Variants in SPATA31D1 observed in about 807,000 individuals in gnomAD.
SPATA31D1 encodes the protein SPATA31 subfamily D member 1.
Under a neutral mutation model 13.2 loss-of-function variants are expected in SPATA31D1, and 6 were observed. The ratio of observed to expected loss-of-function variants is 0.46; its 90% CI spans 0.25 to 0.90. The LOEUF is 0.90. SPATA31D1 is among the 40% of genes least tolerant of loss of function. The pLI, the probability that SPATA31D1 is intolerant of heterozygous loss-of-function variation, is 0.18. For missense variants in SPATA31D1, 2,445 were observed against 1,884.7 expected (o/e 1.30, Z -5.50); for synonymous variants, 903 against 718.8 (o/e 1.26, Z -4.10).
In SPATA31D1 at chr9:81,992,479, T is replaced by A; in HGVS notation, c.2009T>A (p.Ile670Asn). The A allele has an allele frequency of 6.2e-7, 1 of 1,612,078 alleles. No individual in the cohort carries two copies. The highest frequency in any genetic ancestry group is 1.7e-5 in the Admixed American group (1 of 60,024). Residue 670 changes from isoleucine (I) to asparagine (N), a missense_variant, in exon 4 of 4, where the codon ATC becomes AAC. By Grantham distance (149) the Ile-to-Asn change is moderately radical. Coordinates refer to ENST00000344803, the MANE Select transcript of SPATA31D1 (RefSeq NM_001001670.3). The part of the protein sequence containing the change: ...VRKSFKVHVP[I>N]SIIPGDFPLS... Reference sequence around the variant, plus strand: ...AAGTCCTTCAAGGTCCATGTTCCGATCTCCATCATTCCTGGAGATTTTCCA... The same window carrying A: ...AAGTCCTTCAAGGTCCATGTTCCGAACTCCATCATTCCTGGAGATTTTCCA...
Position 81,994,132 on chromosome 9 carries a change from A to T in SPATA31D1, c.3662A>T (p.His1221Leu), listed in dbSNP as rs1469744387. Residue 1221 changes from histidine (H) to leucine (L), a missense_variant, in exon 4 of 4, where the codon CAT becomes CTT. By Grantham distance (99) the His-to-Leu change is moderately conservative. Transcript: ENST00000344803. Reference sequence around the variant, plus strand: ...AGGAAGCATAGCCAACCTCAGAGCCATTTCACTGACATGTCTTTTGCCTTA... The same window carrying T: ...AGGAAGCATAGCCAACCTCAGAGCCTTTTCACTGACATGTCTTTTGCCTTA... The part of the protein sequence containing the change: ...VQRKHSQPQS[H>L]FTDMSFALDN... The T allele has an allele frequency of 6.2e-7, 1 of 1,614,000 alleles. No homozygotes were observed. Among genetic ancestry groups the T allele is most frequent in the Non-Finnish European group, 8.5e-7 (1 of 1,179,878 alleles).
chr9:81,994,766 T>A lies in SPATA31D1; in HGVS notation c.4296T>A (p.Leu1432=). ...ATATCACCTGTCCCCAAGAGCCCCT[T>A]TCCTTCCCAGTGGGGCTTGGGAAAG... ...GIDITCPQEP[L]SFPVGLGKAQ... Residue 1432 remains leucine, a synonymous_variant, in exon 4 of 4, where the codon CTT becomes CTA. Transcript: ENST00000344803. 6.2e-7 allele frequency: 1 copy of A among 1,613,952 alleles called. No individual in the cohort carries two copies. Among genetic ancestry groups the A allele is most frequent in the Non-Finnish European group, 8.5e-7 (1 of 1,179,878 alleles).
rs1373724674 is a variant in SPATA31D1, at chr9:81,992,501, T to C, written c.2031T>C (p.Phe677=). 3.1e-6 allele frequency: 5 copies of C among 1,611,986 alleles called. No individual in the cohort carries two copies. In the Admixed American group the frequency reaches 6.7e-5, roughly 21 times the overall value. Residue 677 remains phenylalanine (F), a synonymous_variant, in exon 4 of 4, where the codon TTT becomes TTC. Transcript: ENST00000344803. The part of the protein sequence containing the change: ...HVPISIIPGD[F]PLSSEVRKKL... ...CGATCTCCATCATTCCTGGAGATTT[T>C]CCACTCAGCTCTGAGGTAAGGAAGA...
At position 81,994,761 on chromosome 9, in the gene SPATA31D1, C is replaced by G. The variant is rs771913778; in HGVS notation, c.4291C>G (p.Pro1431Ala). 6.2e-7 allele frequency: 1 copy of G among 1,613,952 alleles called. No individual in the cohort carries two copies. Among genetic ancestry groups the G allele is most frequent in the Non-Finnish European group, 8.5e-7 (1 of 1,179,884 alleles). ...HGIDITCPQEPLSFPVGLGKA... is the reference protein window; with the variant it reads ...HGIDITCPQEALSFPVGLGKA... ...GATAGATATCACCTGTCCCCAAGAG[C>G]CCCTTTCCTTCCCAGTGGGGCTTGG... Residue 1431 changes from proline to alanine, a missense_variant, in exon 4 of 4, where the codon CCC becomes GCC. Physicochemically the swap from Pro to Ala is conservative, Grantham distance 27. Coordinates refer to ENST00000344803, the MANE Select transcript of SPATA31D1 (RefSeq NM_001001670.3).
chr9:81,994,130 C>A lies in SPATA31D1; in HGVS notation c.3660C>A (p.Ser1220Arg). ...AGAGGAAGCATAGCCAACCTCAGAGCCATTTCACTGACATGTCTTTTGCCT... is the reference window on the plus strand; with the variant it reads ...AGAGGAAGCATAGCCAACCTCAGAGACATTTCACTGACATGTCTTTTGCCT... ...LVQRKHSQPQ[S>R]HFTDMSFALD... is the part of the protein sequence containing the mutation. The change falls in exon 4 of 4, where the codon AGC becomes AGA. Residue 1220 changes from serine (S) to arginine (R), a missense_variant. By Grantham distance (110) the Ser-to-Arg change is moderately radical (BLOSUM62 -1). Transcript: ENST00000344803. The A allele has an allele frequency of 6.2e-7, 1 of 1,613,952 alleles. No homozygotes were observed. The highest frequency in any genetic ancestry group is 8.5e-7 in the Non-Finnish European group (1 of 1,179,878).
Position 81,994,426 on chromosome 9 carries a change from A to G in SPATA31D1, c.3956A>G (p.Lys1319Arg), listed in dbSNP as rs760503010. The change falls in exon 4 of 4, where the codon AAG (lysine) becomes AGG (arginine). Residue 1319 changes from lysine (K) to arginine (R), a missense_variant. By Grantham distance (26) the Lys-to-Arg change is conservative (BLOSUM62 2). Transcript: ENST00000344803. Reference sequence around the variant, plus strand: ...CTGGGGACATCCCAACGCAGGAGAAAGAGCCTCCCTGTTCATAACAAGACA... The same window carrying G: ...CTGGGGACATCCCAACGCAGGAGAAGGAGCCTCCCTGTTCATAACAAGACA... ...AGLGTSQRRRKSLPVHNKTSG... is the reference protein window; with the variant it reads ...AGLGTSQRRRRSLPVHNKTSG... 3 of 1,613,786 alleles carry G rather than the reference A, an allele frequency of 1.9e-6. No individual in the cohort carries two copies. Among genetic ancestry groups the G allele is most frequent in the Middle Eastern group, 1.7e-4 (1 of 6,060 alleles).
Position 81,995,246 on chromosome 9 carries a change from A to G in SPATA31D1, c.*45A>G. On this transcript the variant is annotated 3_prime_UTR_variant, in exon 4 of 4. Coordinates refer to ENST00000344803, the MANE Select transcript of SPATA31D1 (RefSeq NM_001001670.3). Reference sequence around the variant, plus strand: ...CTTGATTCTCCCCAATAAATGTTCCAATAAGAAGGATGTCTTTTCTGTGTA... The same window carrying G: ...CTTGATTCTCCCCAATAAATGTTCCGATAAGAAGGATGTCTTTTCTGTGTA... 1 of 1,449,204 alleles carries G rather than the reference A, an allele frequency of 6.9e-7. No individual in the cohort carries two copies. The highest frequency in any genetic ancestry group is 9.1e-7 in the Non-Finnish European group (1 of 1,096,530). 89.8% of individuals were successfully genotyped at this position (1,449,204 alleles called of 1,614,324 possible). A position where few individuals can be genotyped will look rare whatever the true frequency, so the allele number is the denominator to read the frequency against.
At position 81,995,062 on chromosome 9, in the gene SPATA31D1, G is replaced by A; in HGVS notation, c.4592G>A (p.Cys1531Tyr). ...CCTGTGCCACATCCAAACCCCACTTGCCGGCGTCAGGTCAGCCTGGTGTGT... is the reference window on the plus strand; with the variant it reads ...CCTGTGCCACATCCAAACCCCACTTACCGGCGTCAGGTCAGCCTGGTGTGT... ...RKPVPHPNPT[C>Y]RRQVSLVCPA... Residue 1531 changes from cysteine (C) to tyrosine (Y), a missense_variant, in exon 4 of 4, where the codon TGC (cysteine) becomes TAC (tyrosine). Cys to Tyr is a radical substitution (Grantham distance 194). Coordinates refer to ENST00000344803, the MANE Select transcript of SPATA31D1 (RefSeq NM_001001670.3). 6.2e-7 allele frequency: 1 copy of A among 1,613,456 alleles called. No individual in the cohort carries two copies. The highest frequency in any genetic ancestry group is 8.5e-7 in the Non-Finnish European group (1 of 1,179,648).
rs1233007782 is a variant in SPATA31D1, at chr9:81,992,963, A to G, written c.2493A>G (p.Thr831=). The G allele has an allele frequency of 3.7e-6, 6 of 1,613,688 alleles. No homozygotes were observed. The South Asian group carries it at 5.5e-5, about 15-fold the overall frequency. Reference sequence around the variant, plus strand: ...AGAAACAACTTGAAAATGCCCTGACAGTACGTTTGAGCAAGAAATTTGAGG... The same window carrying G: ...AGAAACAACTTGAAAATGCCCTGACGGTACGTTTGAGCAAGAAATTTGAGG... ...LGQKQLENAL[T]VRLSKKFEEI... The change falls in exon 4 of 4, where the codon ACA becomes ACG. Residue 831 remains threonine (T), a synonymous_variant. Transcript: ENST00000344803.
At position 81,993,768 on chromosome 9, in the gene SPATA31D1, G is replaced by A. The variant is rs774508082; in HGVS notation, c.3298G>A (p.Val1100Ile). Residue 1100 changes from valine to isoleucine, a missense_variant, in exon 4 of 4, where the codon GTC becomes ATC. By Grantham distance (29) the Val-to-Ile change is conservative. Transcript: ENST00000344803. ...CCCGCCACACAGCATCGTAGACGAA[G>A]TCAGTCAGAAACAGACTGTACTGGC... is the stretch of plus-strand genomic sequence containing the variant. ...LPPPHSIVDEVSQKQTVLASR... is the reference protein window; with the variant it reads ...LPPPHSIVDEISQKQTVLASR... 1 of 1,614,022 alleles carries A rather than the reference G, an allele frequency of 6.2e-7. No individual in the cohort carries two copies.
In SPATA31D1 at chr9:81,994,024, T is replaced by C; in HGVS notation, c.3554T>C (p.Phe1185Ser). 1 of 1,613,810 alleles carries C rather than the reference T, an allele frequency of 6.2e-7. No homozygotes were observed. The highest frequency in any genetic ancestry group is 8.5e-7 in the Non-Finnish European group (1 of 1,179,756). The change falls in exon 4 of 4, where the codon TTC (phenylalanine) becomes TCC (serine). Residue 1185 changes from phenylalanine (F) to serine (S), a missense_variant. Transcript: ENST00000344803. ...AGCACTTCCAATGAAACTGAAATTT[T>C]CCCACCAAGAATATCAGTTCCTCAA... Reference protein sequence around the residue: ...KASTSNETEIFPPRISVPQDP... With the variant: ...KASTSNETEISPPRISVPQDP...
In SPATA31D1 at chr9:81,991,412, T is replaced by C; in HGVS notation, c.942T>C (p.Ser314=). 2.5e-6 allele frequency: 4 copies of C among 1,614,056 alleles called. No homozygotes were observed. The highest frequency in any genetic ancestry group is 1.1e-5 in the South Asian group (1 of 91,082). The part of the protein sequence containing the change: ...LPPEDCTVTQ[S]KSSLTILKTF... ...CGGAAGATTGCACTGTGACTCAGTCTAAATCAAGTCTCACCATCTTGAAGA... is the reference window on the plus strand; with the variant it reads ...CGGAAGATTGCACTGTGACTCAGTCCAAATCAAGTCTCACCATCTTGAAGA... Residue 314 remains serine, a synonymous_variant, in exon 4 of 4, where the codon TCT becomes TCC. Coordinates refer to ENST00000344803, the MANE Select transcript of SPATA31D1 (RefSeq NM_001001670.3).
chr9:81,995,174 G>T lies in SPATA31D1; in HGVS notation c.4704G>T (p.Gln1568His). 1 of 1,541,702 alleles carries T rather than the reference G, an allele frequency of 6.5e-7. No individual in the cohort carries two copies. The highest frequency in any genetic ancestry group is 8.8e-7 in the Non-Finnish European group (1 of 1,141,706). The stretch of plus-strand genomic sequence containing the variant: ...AGAAAATGCTTCCAAAGCATTTACA[G>T]GGAGGAAAATTTCCCCCCACAAAAT... Reference protein sequence around the residue: ...TGQKMLPKHLQGGKFPPTK With the variant: ...TGQKMLPKHLHGGKFPPTK Residue 1568 changes from glutamine (Q) to histidine (H), a missense_variant, in exon 4 of 4, where the codon CAG becomes CAT. Gln to His is a conservative substitution (Grantham distance 24). Coordinates refer to ENST00000344803, the MANE Select transcript of SPATA31D1 (RefSeq NM_001001670.3).
At position 81,992,470 on chromosome 9, in the gene SPATA31D1, A is replaced by G; in HGVS notation, c.2000A>G (p.His667Arg). Reference sequence around the variant, plus strand: ...TTGGTCAGAAAGTCCTTCAAGGTCCATGTTCCGATCTCCATCATTCCTGGA... The same window carrying G: ...TTGGTCAGAAAGTCCTTCAAGGTCCGTGTTCCGATCTCCATCATTCCTGGA... ...PELVRKSFKV[H>R]VPISIIPGDF... The change falls in exon 4 of 4, where the codon CAT becomes CGT. Residue 667 changes from histidine (H) to arginine (R), a missense_variant. Physicochemically the swap from His to Arg is conservative, Grantham distance 29. Coordinates refer to ENST00000344803, the MANE Select transcript of SPATA31D1 (RefSeq NM_001001670.3). 1.9e-6 allele frequency: 3 copies of G among 1,612,146 alleles called. No homozygotes were observed. The highest frequency in any genetic ancestry group is 1.1e-5 in the South Asian group (1 of 91,004).
At position 81,994,079 on chromosome 9, in the gene SPATA31D1, G is replaced by A. The variant is rs1339223088; in HGVS notation, c.3609G>A (p.Gln1203=). 1 of 1,613,740 alleles carries A rather than the reference G, an allele frequency of 6.2e-7. No individual in the cohort carries two copies. The highest frequency in any genetic ancestry group is 1.7e-5 in the Admixed American group (1 of 60,012). The change falls in exon 4 of 4, where the codon CAG becomes CAA. Residue 1203 remains glutamine (Q), a synonymous_variant. Coordinates refer to ENST00000344803, the MANE Select transcript of SPATA31D1 (RefSeq NM_001001670.3). ...CTAAATCATCATACCTTAAAAATCA[G>A]ATGTTGAGCCAGTTAAAGTTGGTCC... is the stretch of plus-strand genomic sequence containing the variant. ...QDPKSSYLKN[Q]MLSQLKLVQR...
In SPATA31D1 at chr9:81,992,138, T is replaced by C. The variant is rs1465205758; in HGVS notation, c.1668T>C (p.Pro556=). Residue 556 remains proline (P), a synonymous_variant, in exon 4 of 4, where the codon CCT becomes CCC. Coordinates refer to ENST00000344803, the MANE Select transcript of SPATA31D1 (RefSeq NM_001001670.3). ...VLPPPQPLSL[P]STQPLPLPQT... Reference sequence around the variant, plus strand: ...CCCCTCCCCAACCTCTGTCCTTGCCTAGTACCCAACCACTACCCTTGCCTC... The same window carrying C: ...CCCCTCCCCAACCTCTGTCCTTGCCCAGTACCCAACCACTACCCTTGCCTC... 43 of 1,613,612 alleles carry C rather than the reference T, an allele frequency of 2.7e-5. No individual in the cohort carries two copies. Among genetic ancestry groups the C allele is most frequent in the Non-Finnish European group, 3.5e-5 (41 of 1,179,724 alleles).
rs780561549 is a variant in SPATA31D1 at position 81,990,504 on chromosome 9, T to G, written c.302+18T>G. Reference sequence around the variant, plus strand: ...CTGAAAAGGTGATTAATCTTTCCCTTTGTGTCCTGTTCCCACCCCACTCCT... The same window carrying G: ...CTGAAAAGGTGATTAATCTTTCCCTGTGTGTCCTGTTCCCACCCCACTCCT... On this transcript the variant is annotated intron_variant, in intron 3 of 3. Coordinates refer to ENST00000344803, the MANE Select transcript of SPATA31D1 (RefSeq NM_001001670.3). 3.1e-5 allele frequency: 50 copies of G among 1,588,406 alleles called. No individual in the cohort carries two copies. In the South Asian group the frequency reaches 5.5e-4, roughly 17 times the overall value.
In SPATA31D1 at chr9:81,993,661, T is replaced by C; in HGVS notation, c.3191T>C (p.Leu1064Pro). 1 of 1,614,012 alleles carries C rather than the reference T, an allele frequency of 6.2e-7. No homozygotes were observed. The highest frequency in any genetic ancestry group is 1.7e-5 in the Admixed American group (1 of 60,032). ...GTCAACCAAGAAAAGCAGGGGACCC[T>C]GAGAAGAGAATTCTCTGATACTGAC... ...SPVNQEKQGT[L>P]RREFSDTDND... is the part of the protein sequence containing the mutation. The change falls in exon 4 of 4, where the codon CTG becomes CCG. Residue 1064 changes from leucine (L) to proline (P), a missense_variant. Leu to Pro is a moderately conservative substitution (Grantham distance 98). Transcript: ENST00000344803.
chr9:81,992,243 A>G lies in SPATA31D1; in HGVS notation c.1773A>G (p.Leu591=), dbSNP rs200176100. 1.7e-4 allele frequency: 280 copies of G among 1,613,600 alleles called. No individual in the cohort carries two copies. Among genetic ancestry groups the G allele is most frequent in the Non-Finnish European group, 2.2e-4 (262 of 1,179,718 alleles). ...LAQPQSPFRA[L]LPSPLFLIRI... is the part of the protein sequence containing the mutation. ...AACCTCAATCTCCATTCCGAGCCCT[A>G]CTACCTAGTCCTCTATTCCTGATTA... is the stretch of plus-strand genomic sequence containing the variant. The change falls in exon 4 of 4, where the codon CTA becomes CTG. Residue 591 remains leucine (L), a synonymous_variant. Coordinates refer to ENST00000344803, the MANE Select transcript of SPATA31D1 (RefSeq NM_001001670.3).
Sources: allele counts gnomAD v4.1 joint callset, GRCh38; gene constraint gnomAD v4.1.1; transcripts MANE v1.5; gene names NCBI Gene and HGNC (gene_info 2026-07-23, HGNC 2026-07-21).